Variants in NWD2 observed in about 807,000 individuals in gnomAD.
NWD2 encodes the protein NACHT and WD repeat domain containing 2.
A neutral mutation model predicts 132.7 loss-of-function variants in NWD2; 37 were observed. The observed-to-expected ratio is 0.28, with a 90% CI of 0.21 to 0.37. The LOEUF (loss-of-function observed/expected upper bound fraction) is 0.37. Ranked by LOEUF, NWD2 falls within the 10% of genes least tolerant of loss-of-function variation. The pLI, the probability that NWD2 is intolerant of heterozygous loss-of-function variation, is 1.00. For synonymous variants in NWD2, 705 were observed against 803.0 expected, an observed-to-expected ratio of 0.88 and a Z score of 2.06; for missense variants, 1,592 against 2,122.4, an observed-to-expected ratio of 0.75 and a Z score of 4.91.
intron 3 of NWD2, among the ~76,000 whole-genome samples, chr4:37,410,261 C>T (rs1442064134): frequency 6.6e-6 from 1 of 152,046 alleles, no homozygotes; most frequent in Non-Finnish European, 1.5e-5. Context: ...GGAGACCCAT[C>T]TCACATGCAA....
chr4:37,333,115 GC>G (rs1456280432), intron 2 of NWD2, among the ~76,000 whole-genome samples: 1 of 152,112 alleles, frequency 6.6e-6, no homozygotes, highest in Non-Finnish European at 1.5e-5. Flanking sequence ...CCAACTCCAG[GC>G]CCTGGCTCAT....
At chr4:37,344,015 C>T (rs937060646) in intron 2 of NWD2, among the ~76,000 whole-genome samples, 18 of 152,166 alleles carry the variant, frequency 1.2e-4, no homozygotes, top group African/African-American at 4.3e-4. Context: ...AAGGTAATAT[C>T]AAATTACTTT....
At chr4:37,293,419 C>G (rs572771588) in intron 1 of NWD2, among the ~76,000 whole-genome samples, 5 of 152,284 alleles carry the variant, frequency 3.3e-5, no homozygotes, top group African/African-American at 1.2e-4. Flanking sequence ...TAATTTAATT[C>G]ATTAGTGGTA....
intron 3 of NWD2, among the ~76,000 whole-genome samples, chr4:37,383,022 G>T (rs16993503): frequency 0.041 from 6,257 of 152,170 alleles, 137 homozygotes; most frequent in East Asian, 0.085. Flanking sequence ...AGCTGAAAGT[G>T]CTGTTGTTGT....
intron 2 of NWD2, among the ~76,000 whole-genome samples, chr4:37,332,180 T>C (rs904649777): frequency 3.9e-5 from 6 of 151,990 alleles, no homozygotes; most frequent in Middle Eastern, 6.4e-3. Context: ...GGGGTGCATG[T>C]GAACTAGCAA....
intron 1 of NWD2, among the ~76,000 whole-genome samples, chr4:37,251,359 C>G (rs543208433): frequency 1.3e-5 from 2 of 152,214 alleles, no homozygotes; most frequent in Non-Finnish European, 2.9e-5. Flanking sequence ...TTATTCTTAA[C>G]TGGTATGTCA....
chr4:37,390,353 A>G (rs1021252751), intron 3 of NWD2, among the ~76,000 whole-genome samples: 2 of 152,148 alleles, frequency 1.3e-5, no homozygotes, highest in Non-Finnish European at 1.5e-5. Context: ...ATTTCATAAA[A>G]TGATTTTACT....
intron 3 of NWD2, among the ~76,000 whole-genome samples, chr4:37,411,239 A>G (rs777064854): frequency 6.6e-6 from 1 of 152,230 alleles, no homozygotes; most frequent in Non-Finnish European, 1.5e-5. Flanking sequence ...ACCACTAGCC[A>G]GACTAATAAA....
chr4:37,353,179 C>T (rs956978288), intron 2 of NWD2, among the ~76,000 whole-genome samples: 5 of 152,120 alleles, frequency 3.3e-5, no homozygotes, highest in Non-Finnish European at 7.3e-5. Flanking sequence ...GAATATTGGC[C>T]GCCACTCTCT....
chr4:37,275,855 T>A (rs1255278799), intron 1 of NWD2, among the ~76,000 whole-genome samples: 1 of 152,142 alleles, frequency 6.6e-6, no homozygotes, highest in Non-Finnish European at 1.5e-5. Flanking sequence ...GGGAAAGGAT[T>A]CCCTATTTAA....
intron 2 of NWD2, among the ~76,000 whole-genome samples, chr4:37,354,460 C>G (rs921363992): frequency 3.3e-5 from 5 of 152,230 alleles, no homozygotes; most frequent in African/African-American, 1.2e-4. Context: ...CCCCTTCCCC[C>G]AGGCACTCTG....
In NWD2 at chr4:37,295,475, TA is replaced by T. The variant is rs1283196236; in HGVS notation, c.152-30459del. 1.6e-4 allele frequency among the ~76,000 whole-genome samples: 25 copies of T among 152,344 alleles called. 1 individual carries two copies. Among genetic ancestry groups the T allele is most frequent in the African/African-American group, 5.1e-4 (21 of 41,578 alleles). ...GCCTTAGCTCAGCGTGTGTGTATCT[TA>T]ATAATCTTTGCCAAAATCAAAGCAA... is the stretch of plus-strand genomic sequence containing the variant. On this transcript the variant is annotated intron_variant, in intron 1 of 6. Coordinates refer to ENST00000309447, the MANE Select transcript of NWD2 (RefSeq NM_001144990.2).
In NWD2 at chr4:37,447,841, A is replaced by G. The variant is rs1712679238; in HGVS notation, c.*624A>G. 6.6e-6 allele frequency: 1 copy of G among 152,366 alleles called. No individual in the cohort carries two copies. 9.4% of individuals were successfully genotyped at this position (152,366 alleles called of 1,614,324 possible). ...TACCACTATCATAGGGCTACTGAAC[A>G]TGGAGAGTCAGTCTTTATTAAAAGA... On this transcript the variant is annotated 3_prime_UTR_variant, in exon 7 of 7. Coordinates refer to ENST00000309447, the MANE Select transcript of NWD2 (RefSeq NM_001144990.2).
At chr4:37,326,138 T>C in intron 2 of NWD2, 114 bp downstream of exon 2, 2 of 619,982 alleles carry the variant, frequency 3.2e-6, no homozygotes, top group Non-Finnish European at 2.8e-6. Flanking sequence ...AAAAAATTTA[T>C]TTCTTCAAGC....
chr4:37,315,473 T>G (rs1577665352), intron 1 of NWD2, among the ~76,000 whole-genome samples: 2 of 152,140 alleles, frequency 1.3e-5, no homozygotes, highest in Non-Finnish European at 1.5e-5. Flanking sequence ...ACATTCATAA[T>G]TGTTATAGTT....
intron 1 of NWD2, among the ~76,000 whole-genome samples, chr4:37,300,638 T>C (rs1043487144): frequency 3.9e-5 from 6 of 152,098 alleles, no homozygotes; most frequent in African/African-American, 1.4e-4. Flanking sequence ...ACATCTTGTT[T>C]TGTCATAATA....
chr4:37,256,526 A>G (rs1479142104), intron 1 of NWD2, among the ~76,000 whole-genome samples: 1 of 152,224 alleles, frequency 6.6e-6, no homozygotes, highest in African/African-American at 2.4e-5. Flanking sequence ...ATGATATTCT[A>G]GAAGACTCTA....
At chr4:37,367,794 T>C (rs772211044) in intron 3 of NWD2, among the ~76,000 whole-genome samples, 14 of 152,162 alleles carry the variant, frequency 9.2e-5, no homozygotes, top group Non-Finnish European at 1.8e-4. Flanking sequence ...TCCGTCTCTA[T>C]CAGTGAGGAT....
At chr4:37,405,832 G>A (rs1050807059) in intron 3 of NWD2, among the ~76,000 whole-genome samples, 7 of 152,324 alleles carry the variant, frequency 4.6e-5, no homozygotes, top group Middle Eastern at 3.4e-3. Flanking sequence ...TGATATTACA[G>A]TCATTTTAGA....
Sources: allele counts gnomAD v4.1 joint callset (sites outside exome capture counted in the v4.1 genomes callset), GRCh38; gene constraint gnomAD v4.1.1; transcripts MANE v1.5; gene names NCBI Gene and HGNC (gene_info 2026-07-23, HGNC 2026-07-21).